ZNF486: variants seen among roughly 807,000 people sequenced by gnomAD.
ZNF486 encodes zinc finger protein 486.
A neutral mutation model predicts 12.8 loss-of-function variants in ZNF486; 12 were observed. The ratio of observed to expected loss-of-function variants is 0.94; its 90% CI spans 0.60 to 1.52. The LOEUF is 1.52. ZNF486 is among the 40% of genes most tolerant of loss of function. The probability of loss-of-function intolerance (pLI) is 0.00; values close to 1 mark genes in which losing one functional copy is unlikely to be tolerated. For synonymous variants in ZNF486, 231 were observed against 184.9 expected (o/e 1.25, Z -2.02); for missense variants, 738 against 545.0 (o/e 1.35, Z -3.53).
chr19:20,171,624 A>C (rs1484449630), intron 1 of ZNF486, among the ~76,000 whole-genome samples: 1 of 152,264 alleles, frequency 6.6e-6, no homozygotes, highest in Non-Finnish European at 1.5e-5. Flanking sequence ...CACAGAAATA[A>C]ATCAGAGTAC....
At chr19:20,171,762 T>A (rs2089650411) in intron 1 of ZNF486, among the ~76,000 whole-genome samples, 1 of 152,246 alleles carries the variant, frequency 6.6e-6, no homozygotes, top group African/African-American at 2.4e-5. Flanking sequence ...TGTGGGTTTG[T>A]TATACAGTTA....
intron 3 of ZNF486, among the ~76,000 whole-genome samples, chr19:20,191,478 T>G (rs956440907): frequency 8.0e-6 from 1 of 125,156 alleles, no homozygotes; most frequent in African/African-American, 3.4e-5. Flanking sequence ...AAAAAAAAAA[T>G]TATGCACTCG....
At position 20,167,378 on chromosome 19, in the gene ZNF486, AC is replaced by A; in HGVS notation, c.30+19del. On this transcript the variant is annotated intron_variant, in intron 1 of 3. Transcript: ENST00000335117. ...TAGAAATGGTGAGAGTGCCCATTGGACATCCTGAGAGAGGGGAGGGACTGGT... is the reference window on the plus strand; with the variant it reads ...TAGAAATGGTGAGAGTGCCCATTGGAATCCTGAGAGAGGGGAGGGACTGGT... 1 of 1,612,506 alleles carries A rather than the reference AC, an allele frequency of 6.2e-7. No individual in the cohort carries two copies. The highest frequency in any genetic ancestry group is 1.7e-4 in the Middle Eastern group (1 of 6,050).
intron 1 of ZNF486, among the ~76,000 whole-genome samples, chr19:20,171,550 A>G (rs1555713888): frequency 3.3e-5 from 5 of 152,176 alleles, no homozygotes; most frequent in Admixed American, 6.5e-5. Flanking sequence ...TGCAGCAGCA[A>G]CCTGTTTTCT....
rs1555718142 is a variant in ZNF486 at position 20,197,200 on chromosome 19, C to T, written c.490C>T (p.His164Tyr). The T allele has an allele frequency of 6.2e-7, 1 of 1,612,920 alleles. No individual in the cohort carries two copies. ...FQCGKYVKVF[H>Y]QFSNSKRHKR... ...ATGTGGTAAATATGTGAAAGTCTTT[C>T]ATCAATTTTCAAATTCAAAGAGACA... Residue 164 changes from histidine to tyrosine, a missense_variant, in exon 4 of 4, where the codon CAT becomes TAT. By Grantham distance (83) the His-to-Tyr change is moderately conservative (BLOSUM62 2). Coordinates refer to ENST00000335117, the MANE Select transcript of ZNF486 (RefSeq NM_052852.4).
At chr19:20,176,120 G>A (rs573615748) in intron 1 of ZNF486, 3 of 184,006 alleles carry the variant, frequency 1.6e-5, no homozygotes, top group East Asian at 3.6e-4. Context: ...GGGGCGGCCA[G>A]GCAGAGACGC....
At chr19:20,169,355 C>T (rs1478471049) in intron 1 of ZNF486, among the ~76,000 whole-genome samples, 1 of 151,988 alleles carries the variant, frequency 6.6e-6, no homozygotes, top group Non-Finnish European at 1.5e-5. Flanking sequence ...GTGATCCATC[C>T]GCCTTGGCCT....
At chr19:20,175,616 C>T (rs1310571395) in intron 1 of ZNF486, among the ~76,000 whole-genome samples, 3 of 151,876 alleles carry the variant, frequency 2.0e-5, no homozygotes, top group African/African-American at 7.3e-5. Flanking sequence ...TGAGTGGACA[C>T]AGCACATGTT....
In ZNF486 at chr19:20,197,313, A is replaced by G. The variant is rs1555718178; in HGVS notation, c.603A>G (p.Lys201=). 12 of 1,612,188 alleles carry G rather than the reference A, an allele frequency of 7.4e-6. No homozygotes were observed. The highest frequency in any genetic ancestry group is 1.7e-5 in the Admixed American group (1 of 59,692). The change falls in exon 4 of 4, where the codon AAA becomes AAG. Residue 201 remains lysine (K), a synonymous_variant. Coordinates refer to ENST00000335117, the MANE Select transcript of ZNF486 (RefSeq NM_052852.4). The stretch of plus-strand genomic sequence containing the variant: ...AGTCCTCAACCCATACTACACATAA[A>G]AAAATTGATACTGGAGAGAAACCAT... ...FNQSSTHTTH[K]KIDTGEKPYK...
At chr19:20,186,658 G>C (rs2089850038) in intron 3 of ZNF486, among the ~76,000 whole-genome samples, 1 of 151,738 alleles carries the variant, frequency 6.6e-6, no homozygotes. Flanking sequence ...TTTTAGAAAT[G>C]TATTTTCCAT....
At chr19:20,181,061 A>G (rs1406853711) in intron 1 of ZNF486, among the ~76,000 whole-genome samples, 3 of 152,268 alleles carry the variant, frequency 2.0e-5, no homozygotes, top group African/African-American at 4.8e-5. Context: ...AGAATTCTAC[A>G]TAAGTCCTCA....
chr19:20,187,222 C>T (rs191300862), intron 3 of ZNF486, among the ~76,000 whole-genome samples: 3 of 152,042 alleles, frequency 2.0e-5, no homozygotes, highest in African/African-American at 7.2e-5. Context: ...CATACATACA[C>T]TTGTATGTTA....
In ZNF486 at chr19:20,199,418, T is replaced by C. The variant is rs1299478987; in HGVS notation, c.*1316T>C. 2 of 152,132 alleles carry C rather than the reference T, an allele frequency of 1.3e-5. No individual in the cohort carries two copies. The highest frequency in any genetic ancestry group is 4.8e-5 in the African/African-American group (2 of 41,434). The allele number at this position is 152,132 out of a possible 1,614,324, so 9.4% of individuals were successfully genotyped here. A position where few individuals can be genotyped will look rare whatever the true frequency, so the allele number is the denominator to read the frequency against. ...AGAAGATTCCTGCAAATGTAATGAGTTTGGAAACACTTCTTAGATAAATTA... is the reference window on the plus strand; with the variant it reads ...AGAAGATTCCTGCAAATGTAATGAGCTTGGAAACACTTCTTAGATAAATTA... On this transcript the variant is annotated 3_prime_UTR_variant, in exon 4 of 4. Transcript: ENST00000335117.
intron 3 of ZNF486, among the ~76,000 whole-genome samples, chr19:20,186,494 C>A (rs2089848002): frequency 6.6e-6 from 1 of 151,962 alleles, no homozygotes; most frequent in Non-Finnish European, 1.5e-5. Context: ...GTTTTTGTTG[C>A]ATTTTTTGTT....
At chr19:20,178,159 C>G (rs781991649) in intron 1 of ZNF486, among the ~76,000 whole-genome samples, 1 of 151,856 alleles carries the variant, frequency 6.6e-6, no homozygotes, top group Non-Finnish European at 1.5e-5. Context: ...AACTCTTGAC[C>G]TCAGGTGATC....
At chr19:20,186,785 T>TTTTTTTTTTTG (rs2089852071) in intron 3 of ZNF486, among the ~76,000 whole-genome samples, 2 of 84,010 alleles carry the variant, frequency 2.4e-5, no homozygotes, top group Non-Finnish European at 4.3e-5. Flanking sequence ...TTTTCATAGG[T>TTTTTTTTTTTG]TTTTTTTTTT....
At chr19:20,190,357 C>G (rs1018565214) in intron 3 of ZNF486, among the ~76,000 whole-genome samples, 2 of 152,160 alleles carry the variant, frequency 1.3e-5, no homozygotes, top group Non-Finnish European at 2.9e-5. Context: ...TGTTAGAAAA[C>G]ACACAATGTA....
intron 1 of ZNF486, among the ~76,000 whole-genome samples, chr19:20,180,258 G>A (rs552944804): frequency 1.1e-4 from 17 of 152,046 alleles, no homozygotes; most frequent in Non-Finnish European, 1.9e-4. Context: ...TGCCTTTTTT[G>A]GTACCCAGAT....
At position 20,197,279 on chromosome 19, in the gene ZNF486, C is replaced by T. The variant is rs782030765; in HGVS notation, c.569C>T (p.Ala190Val). ...KPLKYIEGDK[A>V]FNQSSTHTTH... Reference sequence around the variant, plus strand: ...TTGAAATATATAGAAGGTGACAAAGCTTTTAACCAGTCCTCAACCCATACT... The same window carrying T: ...TTGAAATATATAGAAGGTGACAAAGTTTTTAACCAGTCCTCAACCCATACT... The change falls in exon 4 of 4, where the codon GCT becomes GTT. Residue 190 changes from alanine (A) to valine (V), a missense_variant. Coordinates refer to ENST00000335117, the MANE Select transcript of ZNF486 (RefSeq NM_052852.4). The T allele has an allele frequency of 6.2e-7, 1 of 1,610,144 alleles. No homozygotes were observed. The highest frequency in any genetic ancestry group is 1.7e-5 in the Admixed American group (1 of 59,142).
Sources: gnomAD v4.1 joint callset for allele counts (sites outside exome capture counted in the v4.1 genomes callset) on GRCh38, gnomAD v4.1.1 for gene constraint, MANE v1.5 for transcripts, NCBI Gene and HGNC (gene_info 2026-07-23, HGNC 2026-07-21) for gene names.